CCL19: variants seen among roughly 807,000 people sequenced by gnomAD.
CCL19 encodes the protein C-C motif chemokine ligand 19.
In CCL19, 5 loss-of-function variants were observed where a neutral mutation model predicts 9.7. That is an observed-to-expected ratio of 0.51 (90% CI 0.27 to 1.08). The LOEUF (loss-of-function observed/expected upper bound fraction) is 1.08. Among genes scored for constraint, CCL19 ranks in the 50% least tolerant of loss-of-function variants. CCL19 has a pLI of 0.12. For missense variants in CCL19, 90 were observed against 122.5 expected (o/e 0.73, Z 1.25); for synonymous variants, 40 against 47.4 (o/e 0.84, Z 0.64).
At position 34,691,252 on chromosome 9, in the gene CCL19, G is replaced by T. The variant is rs1237940098; in HGVS notation, c.-113C>A. 7 of 831,558 alleles carry T rather than the reference G, an allele frequency of 8.4e-6. No individual in the cohort carries two copies. Among genetic ancestry groups the T allele is most frequent in the East Asian group, 5.5e-5 (2 of 36,100 alleles). The allele number at this position is 831,558 out of a possible 1,614,324, so 51.5% of individuals were successfully genotyped here. A position where few individuals can be genotyped will look rare whatever the true frequency, so the allele number is the denominator to read the frequency against. ...CTGGGATGCAGGGGTGAAATGCAAG[G>T]TGTGAGTGATGTGAGGCTGGGAATG... is the stretch of plus-strand genomic sequence containing the variant. On this transcript the variant is annotated 5_prime_UTR_variant, in exon 1 of 4. Transcript: ENST00000311925.
chr9:34,690,048 G>A, intron 2 of CCL19, 25 bp from the exon 3 acceptor site: 2 of 1,609,588 alleles, frequency 1.2e-6, no homozygotes, highest in Non-Finnish European at 1.7e-6. Flanking sequence ...CGGAGAGAAT[G>A]GAGCCCCAGA....
rs771915613 is a variant in CCL19, at chr9:34,689,810, G to T, written c.*9C>A. 2.5e-6 allele frequency: 4 copies of T among 1,614,112 alleles called. No homozygotes were observed. The highest frequency in any genetic ancestry group is 3.4e-6 in the Non-Finnish European group (4 of 1,180,002). On this transcript the variant is annotated 3_prime_UTR_variant, in exon 4 of 4. Coordinates refer to ENST00000311925, the MANE Select transcript of CCL19 (RefSeq NM_006274.3). This position sits in a 1 kb window ranked among gnomAD's most constrained non-coding sequence, Gnocchi z 4.1. ...CTCGGACTCCGGGCTCCCTCTGCAC[G>T]GTCATAGGTTAACTGCTGCGGCGCT...
At chr9:34,690,673 C>G (rs1180692176) in intron 1 of CCL19, among the ~76,000 whole-genome samples, 1 of 152,102 alleles carries the variant, frequency 6.6e-6, no homozygotes, top group Non-Finnish European at 1.5e-5. Flanking sequence ...AGAGTTAATG[C>G]AGGTCACAGT....
rs991694203 is a variant in CCL19 at position 34,689,674 on chromosome 9, A to C, written c.*145T>G. 9.1e-6 allele frequency: 8 copies of C among 878,452 alleles called. No homozygotes were observed. The African/African-American group carries it at 1.3e-4, about 15-fold the overall frequency. 54.4% of individuals were successfully genotyped at this position (878,452 alleles called of 1,614,324 possible). ...CTCTCGCTCACACTCACACTCACAC[A>C]CACCCCAGGCCCTGTCCTGGCTGGT... On this transcript the variant is annotated 3_prime_UTR_variant, in exon 4 of 4. Transcript: ENST00000311925. This position sits in a 1 kb window ranked among gnomAD's most constrained non-coding sequence, Gnocchi z 4.1.
Position 34,691,190 on chromosome 9 carries a change from T to G in CCL19, c.-51A>C. Reference sequence around the variant, plus strand: ...GGTGAATGTGTGAGCGCCAGCTGTCTGGGTGTGTGCAGGATCTGTGTGAGG... The same window carrying G: ...GGTGAATGTGTGAGCGCCAGCTGTCGGGGTGTGTGCAGGATCTGTGTGAGG... On this transcript the variant is annotated 5_prime_UTR_variant, in exon 1 of 4. Coordinates refer to ENST00000311925, the MANE Select transcript of CCL19 (RefSeq NM_006274.3). 1.3e-6 allele frequency: 2 copies of G among 1,571,728 alleles called. No homozygotes were observed. Among genetic ancestry groups the G allele is most frequent in the Non-Finnish European group, 1.7e-6 (2 of 1,145,040 alleles).
At chr9:34,691,038 A>C in intron 1 of CCL19, 53 bp downstream of exon 1, 1 of 1,465,512 alleles carries the variant, frequency 6.8e-7, no homozygotes, top group Non-Finnish European at 9.4e-7. Context: ...TCTAGACATT[A>C]CCCACTGCCA....
At chr9:34,690,921 C>A (rs1821785197) in intron 1 of CCL19, among the ~76,000 whole-genome samples, 170 bp downstream of exon 1, 1 of 152,198 alleles carries the variant, frequency 6.6e-6, no homozygotes, top group Non-Finnish European at 1.5e-5. Flanking sequence ...GACACCCACA[C>A]TTACAGGCAC....
In CCL19 at chr9:34,690,355, A is replaced by G; in HGVS notation, c.50-13T>C. The G allele has an allele frequency of 6.2e-7, 1 of 1,610,048 alleles. No individual in the cohort carries two copies. Among genetic ancestry groups the G allele is most frequent in the Non-Finnish European group, 8.5e-7 (1 of 1,178,194 alleles). On this transcript the variant is annotated splice_polypyrimidine_tract_variant and intron_variant, in intron 1 of 3. Coordinates refer to ENST00000311925, the MANE Select transcript of CCL19 (RefSeq NM_006274.3). ...CTCAGAGTTGGGGCTGGGATGGGGA[A>G]AGAAGGTGACAGGACACAGGGACCC...
intron 2 of CCL19, 72 bp from the exon 3 acceptor site, chr9:34,690,095 T>C: frequency 6.3e-7 from 1 of 1,589,626 alleles, no homozygotes; most frequent in Non-Finnish European, 8.6e-7. Context: ...GGGAACCTGT[T>C]TCAGGGATTT....
intron 1 of CCL19, among the ~76,000 whole-genome samples, 164 bp from the exon 2 acceptor site, chr9:34,690,506 G>C (rs2132394487): frequency 6.6e-6 from 1 of 150,602 alleles, no homozygotes; most frequent in East Asian, 2.0e-4. Context: ...CTGGTATTCA[G>C]CCATTATGCA....
In CCL19 at chr9:34,689,987, G is replaced by A; in HGVS notation, c.219C>T (p.Pro73=). 1 of 1,614,136 alleles carries A rather than the reference G, an allele frequency of 6.2e-7. No homozygotes were observed. The highest frequency in any genetic ancestry group is 2.2e-5 in the East Asian group (1 of 44,876). Residue 73 remains proline (P), a synonymous_variant, in exon 3 of 4, where the codon CCC becomes CCT. Transcript: ENST00000311925. The surrounding 1 kb of genome is among the most constrained non-coding windows in gnomAD (Gnocchi z 4.1). ...TGCGTTCTACCCAGGGCTGGTCTGG[G>A]GGTGCACAGAGCTGGCGGCCCCTCA... ...TTLRGRQLCA[P]PDQPWVERII... is the part of the protein sequence containing the mutation.
At position 34,689,919 on chromosome 9, in the gene CCL19, G is replaced by T; in HGVS notation, c.276+11C>A. ...GAGGGAGGAGACAGGGCCAGGGAGGGCCAGGCTTGCCTTGGCTGAGGTCCT... is the reference window on the plus strand; with the variant it reads ...GAGGGAGGAGACAGGGCCAGGGAGGTCCAGGCTTGCCTTGGCTGAGGTCCT... On this transcript the variant is annotated intron_variant, in intron 3 of 3. Coordinates refer to ENST00000311925, the MANE Select transcript of CCL19 (RefSeq NM_006274.3). This position sits in a 1 kb window ranked among gnomAD's most constrained non-coding sequence, Gnocchi z 4.1. 6.2e-7 allele frequency: 1 copy of T among 1,614,016 alleles called. No homozygotes were observed. The highest frequency in any genetic ancestry group is 1.1e-5 in the South Asian group (1 of 91,088).
At position 34,690,281 on chromosome 9, in the gene CCL19, G is replaced by A; in HGVS notation, c.111C>T (p.Pro37=). The change falls in exon 2 of 4, where the codon CCC becomes CCT. Residue 37 remains proline, a synonymous_variant. Transcript: ENST00000311925. The part of the protein sequence containing the change: ...EDCCLSVTQK[P]IPGYIVRNFH... ...AGTTCCTCACGATGTACCCAGGGAT[G>A]GGTTTCTGGGTCACAGACAGGCAGC... 1 of 1,613,748 alleles carries A rather than the reference G, an allele frequency of 6.2e-7. No individual in the cohort carries two copies. Among genetic ancestry groups the A allele is most frequent in the Admixed American group, 1.7e-5 (1 of 60,018 alleles).
chr9:34,689,596 T>C lies in CCL19; in HGVS notation c.*223A>G, dbSNP rs1394611901. The stretch of plus-strand genomic sequence containing the variant: ...TAGTTGTAAACACCAGGCGGCTTTA[T>C]TGGTAGCATTGCAATCTGGGGGTGG... On this transcript the variant is annotated 3_prime_UTR_variant, in exon 4 of 4. Transcript: ENST00000311925. The surrounding 1 kb of genome is among the most constrained non-coding windows in gnomAD (Gnocchi z 4.1). 2 of 564,880 alleles carry C rather than the reference T, an allele frequency of 3.5e-6. No individual in the cohort carries two copies. The highest frequency in any genetic ancestry group is 6.3e-6 in the Non-Finnish European group (2 of 318,050). 35.0% of individuals were successfully genotyped at this position (564,880 alleles called of 1,614,324 possible).
intron 1 of CCL19, 143 bp downstream of exon 1, chr9:34,690,948 C>T (rs1268964423): frequency 5.9e-6 from 4 of 680,338 alleles, no homozygotes; most frequent in Admixed American, 3.1e-5. Flanking sequence ...AGGGACCTGC[C>T]AGGCTCACCG....
In CCL19 at chr9:34,690,960, A is replaced by T. The variant is rs1821785617; in HGVS notation, c.49+131T>A. On this transcript the variant is annotated intron_variant, in intron 1 of 3. Coordinates refer to ENST00000311925, the MANE Select transcript of CCL19 (RefSeq NM_006274.3). ...TGCAGGGACCTGCCAGGCTCACCGA[A>T]ATATACAGACCTAAGCATTTGCCTG... 6.6e-6 allele frequency: 5 copies of T among 763,234 alleles called. 1 individual carries two copies. The highest frequency in any genetic ancestry group is 6.0e-5 in the South Asian group (3 of 50,020). The allele number at this position is 763,234 out of a possible 1,614,324, so 47.3% of individuals were successfully genotyped here.
In CCL19 at chr9:34,691,164, C is replaced by T. The variant is rs369637759; in HGVS notation, c.-25G>A. On this transcript the variant is annotated 5_prime_UTR_variant, in exon 1 of 4. Coordinates refer to ENST00000311925, the MANE Select transcript of CCL19 (RefSeq NM_006274.3). Reference sequence around the variant, plus strand: ...TGGAGGGTGAACAGAGGCAGGCCAACGGTGAATGTGTGAGCGCCAGCTGTC... The same window carrying T: ...TGGAGGGTGAACAGAGGCAGGCCAATGGTGAATGTGTGAGCGCCAGCTGTC... 69 of 1,611,612 alleles carry T rather than the reference C, an allele frequency of 4.3e-5. No individual in the cohort carries two copies. Among genetic ancestry groups the T allele is most frequent in the African/African-American group, 1.6e-4 (12 of 74,874 alleles).
chr9:34,689,695 C>T lies in CCL19; in HGVS notation c.*124G>A. 2 of 1,103,812 alleles carry T rather than the reference C, an allele frequency of 1.8e-6. No individual in the cohort carries two copies. The highest frequency in any genetic ancestry group is 1.4e-6 in the Non-Finnish European group (1 of 737,620). 68.4% of individuals were successfully genotyped at this position (1,103,812 alleles called of 1,614,324 possible). On this transcript the variant is annotated 3_prime_UTR_variant, in exon 4 of 4. Transcript: ENST00000311925. This position sits in a 1 kb window ranked among gnomAD's most constrained non-coding sequence, Gnocchi z 4.1. ...ACACACACCCCAGGCCCTGTCCTGGCTGGTCAGGTCTGGTGCAGAGGAGCT... is the reference window on the plus strand; with the variant it reads ...ACACACACCCCAGGCCCTGTCCTGGTTGGTCAGGTCTGGTGCAGAGGAGCT...
rs931123825 is a variant in CCL19, at chr9:34,689,907, G to A, written c.276+23C>T. On this transcript the variant is annotated intron_variant, in intron 3 of 3. Transcript: ENST00000311925. The surrounding 1 kb of genome is among the most constrained non-coding windows in gnomAD (Gnocchi z 4.1). ...GACAGGAGCTCAGAGGGAGGAGACAGGGCCAGGGAGGGCCAGGCTTGCCTT... is the reference window on the plus strand; with the variant it reads ...GACAGGAGCTCAGAGGGAGGAGACAAGGCCAGGGAGGGCCAGGCTTGCCTT... 2.5e-6 allele frequency: 4 copies of A among 1,613,770 alleles called. No homozygotes were observed. Among genetic ancestry groups the A allele is most frequent in the Non-Finnish European group, 2.5e-6 (3 of 1,179,776 alleles).
Sources: allele counts gnomAD v4.1 joint callset (sites outside exome capture counted in the v4.1 genomes callset), GRCh38; gene constraint gnomAD v4.1.1; non-coding constraint Gnocchi (gnomAD v3.1); transcripts MANE v1.5; gene names NCBI Gene and HGNC (gene_info 2026-07-23, HGNC 2026-07-21).